The following AKAP1 variants were observed in gnomAD, a reference collection of about 807,000 sequenced individuals.
The protein encoded by AKAP1 is A-kinase anchor protein 1, mitochondrial.
In AKAP1, 32 loss-of-function variants were observed where a neutral mutation model predicts 79.8. The ratio of observed to expected loss-of-function variants is 0.40; its 90% CI spans 0.30 to 0.54. The LOEUF (loss-of-function observed/expected upper bound fraction) is 0.54, where lower values mean the gene tolerates loss of function less well. Ranked by LOEUF, AKAP1 falls within the 20% of genes least tolerant of loss-of-function variation. The pLI, the probability that AKAP1 is intolerant of heterozygous loss-of-function variation, is 0.47. For missense variants in AKAP1, 961 were observed against 1,138.9 expected (o/e 0.84, Z 2.25); for synonymous variants, 416 against 466.7 (o/e 0.89, Z 1.40).
intron 6 of AKAP1, among the ~76,000 whole-genome samples, chr17:57,115,810 C>T (rs1340240670): frequency 6.6e-6 from 1 of 152,196 alleles, no homozygotes; most frequent in Non-Finnish European, 1.5e-5. Context: ...TCCTATTCAT[C>T]TGTGTCCCTC....
intron 1 of AKAP1, among the ~76,000 whole-genome samples, chr17:57,103,368 C>T (rs1914648819): frequency 1.3e-5 from 2 of 152,198 alleles, no homozygotes; most frequent in Middle Eastern, 3.2e-3. Context: ...TTCTCAATCC[C>T]CTAGGGATCT....
At chr17:57,109,917 G>A (rs11079277) in intron 2 of AKAP1, 108 bp from the exon 3 acceptor site, 270,450 of 1,416,630 alleles carry the variant, frequency 0.19, 29,311 homozygotes, top group South Asian at 0.4. Context: ...CTTGAGGAGC[G>A]GGTGTGGGGC....
intron 1 of AKAP1, among the ~76,000 whole-genome samples, chr17:57,088,439 A>G (rs867622824): frequency 6.6e-6 from 1 of 152,186 alleles, no homozygotes; most frequent in Non-Finnish European, 1.5e-5. Flanking sequence ...TAGGTGAGTT[A>G]TGAGCACACT....
intron 1 of AKAP1, among the ~76,000 whole-genome samples, chr17:57,090,991 C>G (rs1169784494): frequency 6.6e-6 from 1 of 152,228 alleles, no homozygotes; most frequent in Non-Finnish European, 1.5e-5. Flanking sequence ...GCAGTAAGAT[C>G]TTTTCAAGCA....
At position 57,106,217 on chromosome 17, in the gene AKAP1, C is replaced by T. The variant is rs764837561; in HGVS notation, c.753C>T (p.Ser251=). 43 of 1,613,982 alleles carry T rather than the reference C, an allele frequency of 2.7e-5. No homozygotes were observed. The highest frequency in any genetic ancestry group is 3.6e-5 in the Non-Finnish European group (43 of 1,180,030). ...GEEDKGKSSS[S]QVVGPVQEEE... ...AAGATAAGGGGAAGAGCAGCTCATCCCAGGTGGTGGGGCCAGTGCAGGAGG... is the reference window on the plus strand; with the variant it reads ...AAGATAAGGGGAAGAGCAGCTCATCTCAGGTGGTGGGGCCAGTGCAGGAGG... The change falls in exon 2 of 11, where the codon TCC becomes TCT. Residue 251 remains serine (S), a synonymous_variant. Transcript: ENST00000337714.
chr17:57,118,930 G>C, intron 9 of AKAP1, 52 bp from the exon 10 acceptor site: 1 of 1,572,794 alleles, frequency 6.4e-7, no homozygotes. Context: ...GATGATATTT[G>C]AGTGGGGACA....
Position 57,120,334 on chromosome 17 carries a change from T to C in AKAP1, c.*10T>C, listed in dbSNP as rs758043679. ...CTACACAAGCCTTTGACCCCCATGC[T>C]GCTTCCTGAGAGTCTTTTTTTGCAC... On this transcript the variant is annotated 3_prime_UTR_variant, in exon 11 of 11. Transcript: ENST00000337714. 2.5e-6 allele frequency: 4 copies of C among 1,610,032 alleles called. No individual in the cohort carries two copies. Among genetic ancestry groups the C allele is most frequent in the South Asian group, 1.1e-5 (1 of 90,550 alleles).
intron 3 of AKAP1, among the ~76,000 whole-genome samples, chr17:57,111,100 T>C (rs1296564530): frequency 1.3e-5 from 2 of 152,116 alleles, no homozygotes; most frequent in Non-Finnish European, 1.5e-5. Context: ...ACAAAGGGCA[T>C]GAAGAGAAAG....
Position 57,110,120 on chromosome 17 carries a change from A to G in AKAP1, c.1810A>G (p.Lys604Glu). Residue 604 changes from lysine to glutamate, a missense_variant, in exon 3 of 11, where the codon AAG becomes GAG. Lys to Glu is a moderately conservative substitution (Grantham distance 56). This residue lies in a region of AKAP1 where 629 missense variants were observed against 781.1 expected (regional missense o/e 0.81). Transcript: ENST00000337714. ...QNAQAGSNPKKVDLIIWEIEV... is the reference protein window; with the variant it reads ...QNAQAGSNPKEVDLIIWEIEV... Reference sequence around the variant, plus strand: ...TGCCCAGGCAGGCTCCAACCCTAAGAAGGTCGACCTCATCATCTGGGAGAT... The same window carrying G: ...TGCCCAGGCAGGCTCCAACCCTAAGGAGGTCGACCTCATCATCTGGGAGAT... 1 of 1,614,102 alleles carries G rather than the reference A, an allele frequency of 6.2e-7. No individual in the cohort carries two copies. The highest frequency in any genetic ancestry group is 8.5e-7 in the Non-Finnish European group (1 of 1,180,006).
intron 1 of AKAP1, chr17:57,094,229 A>C (rs1006769700): frequency 6.6e-6 from 1 of 152,200 alleles, no homozygotes; most frequent in Non-Finnish European, 1.5e-5. Context: ...TCCTGGGCGC[A>C]TCCCTTTTCC....
rs1914784442 is a variant in AKAP1, at chr17:57,105,429, T to C, written c.-24-12T>C. ...GTAACATCCCTCCTCCCCGCTCTCC[T>C]GCTCTCCCCAGGTGTAATTACTTCA... On this transcript the variant is annotated splice_polypyrimidine_tract_variant and intron_variant, in intron 1 of 10. Coordinates refer to ENST00000337714, the MANE Select transcript of AKAP1 (RefSeq NM_003488.4). 2 of 1,602,120 alleles carry C rather than the reference T, an allele frequency of 1.2e-6. No homozygotes were observed. The highest frequency in any genetic ancestry group is 1.7e-6 in the Non-Finnish European group (2 of 1,175,388).
chr17:57,120,996 T>C lies in AKAP1; in HGVS notation c.*672T>C, dbSNP rs1567921017. ...TCTATTTGTGCAAACTCTGTAAATATGTGTTTAAACAAATGTAATATTTTG... is the reference window on the plus strand; with the variant it reads ...TCTATTTGTGCAAACTCTGTAAATACGTGTTTAAACAAATGTAATATTTTG... On this transcript the variant is annotated 3_prime_UTR_variant, in exon 11 of 11. Coordinates refer to ENST00000337714, the MANE Select transcript of AKAP1 (RefSeq NM_003488.4). 2.0e-5 allele frequency: 3 copies of C among 152,680 alleles called. No individual in the cohort carries two copies. Among genetic ancestry groups the C allele is most frequent in the Non-Finnish European group, 2.9e-5 (2 of 68,066 alleles). 9.5% of individuals were successfully genotyped at this position (152,680 alleles called of 1,614,324 possible). A position where few individuals can be genotyped will look rare whatever the true frequency, so the allele number is the denominator to read the frequency against.
intron 1 of AKAP1, among the ~76,000 whole-genome samples, chr17:57,097,432 G>A (rs141778153): frequency 6.6e-6 from 1 of 152,364 alleles, no homozygotes; most frequent in African/African-American, 2.4e-5. Flanking sequence ...ACCTGATGAG[G>A]AAATAGGTAA....
chr17:57,107,712 T>G (rs889221167), intron 2 of AKAP1, among the ~76,000 whole-genome samples: 6 of 152,020 alleles, frequency 3.9e-5, no homozygotes, highest in Non-Finnish European at 8.8e-5. Context: ...AGAGGCCTCC[T>G]TAGCTTTACT....
chr17:57,114,646 G>A lies in AKAP1; in HGVS notation c.2281+10G>A. Reference sequence around the variant, plus strand: ...CCCACCCCAGTGGAAAGTAAGCAGTGCCCTGAGGGGTCGGGAAGGGGGACC... The same window carrying A: ...CCCACCCCAGTGGAAAGTAAGCAGTACCCTGAGGGGTCGGGAAGGGGGACC... On this transcript the variant is annotated intron_variant, in intron 6 of 10. Coordinates refer to ENST00000337714, the MANE Select transcript of AKAP1 (RefSeq NM_003488.4). 1 of 1,611,110 alleles carries A rather than the reference G, an allele frequency of 6.2e-7. No individual in the cohort carries two copies. The highest frequency in any genetic ancestry group is 8.5e-7 in the Non-Finnish European group (1 of 1,178,452).
chr17:57,102,820 C>T (rs552173055), intron 1 of AKAP1, among the ~76,000 whole-genome samples: 1 of 152,264 alleles, frequency 6.6e-6, no homozygotes, highest in Non-Finnish European at 1.5e-5. Context: ...TGGCTGGGCA[C>T]CGTGGCCTGT....
chr17:57,117,036 C>A, intron 8 of AKAP1, 109 bp downstream of exon 8: 1 of 1,165,598 alleles, frequency 8.6e-7, no homozygotes, highest in Non-Finnish European at 1.3e-6. Context: ...ACATAAGTTG[C>A]TACCACTCAA....
chr17:57,116,869 T>G lies in AKAP1; in HGVS notation c.2442T>G (p.Phe814Leu), dbSNP rs772046110. The G allele has an allele frequency of 6.2e-7, 1 of 1,614,210 alleles. No individual in the cohort carries two copies. Among genetic ancestry groups the G allele is most frequent in the Non-Finnish European group, 8.5e-7 (1 of 1,180,026 alleles). Residue 814 changes from phenylalanine to leucine, a missense_variant, in exon 8 of 11, where the codon TTT becomes TTG. Around this residue, in one of 3 missense-constraint regions of AKAP1, gnomAD observed 629 missense variants for 781.1 expected, o/e 0.81. Transcript: ENST00000337714. ...VDVLRQIRSD[F>L]VTLPFQGAEV... is the part of the protein sequence containing the mutation. ...TTTCTTGCCTTCCCAGGTCTGACTT[T>G]GTCACCCTGCCGTTTCAGGGAGCAG...
chr17:57,114,765 T>A, intron 6 of AKAP1, 129 bp downstream of exon 6: 2 of 1,106,424 alleles, frequency 1.8e-6, no homozygotes, highest in East Asian at 2.6e-5. Flanking sequence ...TTGCCATTGT[T>A]ATGGAGCTGG....
Sources: allele counts gnomAD v4.1 joint callset (sites outside exome capture counted in the v4.1 genomes callset), GRCh38; gene constraint gnomAD v4.1.1; regional missense constraint gnomAD v4.1.1; transcripts MANE v1.5; gene names NCBI Gene and HGNC (gene_info 2026-07-23, HGNC 2026-07-21).